The following PLCG2 variants were observed in gnomAD, a reference collection of about 807,000 sequenced individuals.
The protein encoded by PLCG2 is phospholipase C gamma 2, also known as 1-phosphatidylinositol 4,5-bisphosphate phosphodiesterase gamma-2.
PLCG2 carries 69 observed loss-of-function variants against 175.6 expected under a neutral mutation model. The ratio of observed to expected loss-of-function variants is 0.39; its 90% CI spans 0.32 to 0.48. The LOEUF is 0.48. Among genes scored for constraint, PLCG2 ranks in the 20% least tolerant of loss-of-function variants. The probability of loss-of-function intolerance (pLI) is 0.91; values close to 1 mark genes in which losing one functional copy is unlikely to be tolerated. For synonymous variants in PLCG2, 827 were observed against 624.0 expected (o/e 1.33, Z -4.85); for missense variants, 1,798 against 1,650.9 (o/e 1.09, Z -1.54).
intron 1 of PLCG2, chr16:81,783,255 G>C (rs947158463): frequency 3.1e-6 from 1 of 327,504 alleles, no homozygotes; most frequent in African/African-American, 2.2e-5. Flanking sequence ...GAAGAGCTCT[G>C]TGGTTGGCAG....
In PLCG2 at chr16:81,748,314, T is replaced by C. The variant is rs112394945; in HGVS notation, c.-144-7556T>C. On this transcript the variant is annotated intron_variant, in intron 1 of 5. Coordinates refer to the PLCG2 transcript ENST00000565054. ...CTGAGGCATGAGAATTGCTTGAACCTGGAAGGTGGAAGTTGCAGTAAGTCG... is the reference window on the plus strand; with the variant it reads ...CTGAGGCATGAGAATTGCTTGAACCCGGAAGGTGGAAGTTGCAGTAAGTCG... 4.2e-3 allele frequency among the ~76,000 whole-genome samples: 641 copies of C among 152,068 alleles called. 5 individuals are homozygous for C. Among genetic ancestry groups the C allele is most frequent in the African/African-American group, 0.013 (535 of 41,474 alleles).
intron 23 of PLCG2, 116 bp from the exon 24 acceptor site, chr16:81,928,442 T>C (rs1297606421): frequency 5.7e-6 from 4 of 707,496 alleles, no homozygotes; most frequent in Non-Finnish European, 7.9e-6. Flanking sequence ...GTAATGAAAA[T>C]GCATTTTAAA....
intron 15 of PLCG2, chr16:81,906,384 A>G (rs764505373): frequency 1.3e-5 from 2 of 152,204 alleles, no homozygotes; most frequent in Non-Finnish European, 2.9e-5. Flanking sequence ...GTCCGTTCTT[A>G]TATCCTAGAT....
intron 2 of PLCG2, among the ~76,000 whole-genome samples, chr16:81,765,700 C>T (rs1910135268): frequency 2.6e-5 from 2 of 77,230 alleles, no homozygotes; most frequent in African/African-American, 6.8e-5. Context: ...TTAGCCACCA[C>T]ATCAGCGAGT....
At chr16:81,876,874 C>T (rs1029124707) in intron 7 of PLCG2, among the ~76,000 whole-genome samples, 4 of 152,202 alleles carry the variant, frequency 2.6e-5, no homozygotes, top group African/African-American at 9.7e-5. Flanking sequence ...CTAGAATATT[C>T]TGTGATTGCT....
At chr16:81,795,528 G>A (rs568412766) in intron 2 of PLCG2, among the ~76,000 whole-genome samples, 2 of 152,350 alleles carry the variant, frequency 1.3e-5, no homozygotes, top group Admixed American at 6.5e-5. Context: ...GGACTCTGCT[G>A]TCTGATCACA....
In PLCG2 at chr16:81,895,792, C is replaced by A. The variant is rs371214101; in HGVS notation, c.1073-15C>A. On this transcript the variant is annotated splice_polypyrimidine_tract_variant and intron_variant, in intron 12 of 32. Coordinates refer to ENST00000564138, the MANE Select transcript of PLCG2 (RefSeq NM_002661.5). ...AACACACGTGGTATTGAGGCTGCCGCGTTTCTCCCTGTAGTGGACTGCTGG... is the reference window on the plus strand; with the variant it reads ...AACACACGTGGTATTGAGGCTGCCGAGTTTCTCCCTGTAGTGGACTGCTGG... The A allele has an allele frequency of 6.2e-7, 1 of 1,613,958 alleles. No homozygotes were observed.
At chr16:81,776,644 T>TCC (rs1910414621), upstream of PLCG2, among the ~76,000 whole-genome samples, 1 of 152,234 alleles carries the variant, frequency 6.6e-6, no homozygotes, top group Non-Finnish European at 1.5e-5. Flanking sequence ...AACCTCTGCC[T>TCC]TCTGGGTTCA....
intron 2 of PLCG2, among the ~76,000 whole-genome samples, chr16:81,793,719 G>T (rs1039046164): frequency 6.6e-6 from 1 of 152,170 alleles, no homozygotes; most frequent in Non-Finnish European, 1.5e-5. Flanking sequence ...TCTAATGAAT[G>T]CTCACTGTGT....
At chr16:81,742,143 C>A in intron 1 of PLCG2, among the ~76,000 whole-genome samples, 1 of 55,332 alleles carries the variant, frequency 1.8e-5, no homozygotes, top group African/African-American at 1.0e-4. Context: ...CAAAAGTTAC[C>A]ATTGTGGGGG....
rs1212583526 is a variant in PLCG2 at position 81,893,769 on chromosome 16, G to C, written c.1047G>C (p.Leu349=). ...CCCCAGAAGCTTACATCCGCTGCCTGCGCATGGGCTGTCGCTGCATTGAAC... is the reference window on the plus strand; with the variant it reads ...CCCCAGAAGCTTACATCCGCTGCCTCCGCATGGGCTGTCGCTGCATTGAAC... ...ESSPEAYIRC[L]RMGCRCIELD... is the part of the protein sequence containing the mutation. The change falls in exon 12 of 33, where the codon CTG becomes CTC. Residue 349 remains leucine, a synonymous_variant. Transcript: ENST00000564138. The C allele has an allele frequency of 9.3e-6, 15 of 1,612,144 alleles. No individual in the cohort carries two copies. Among genetic ancestry groups the C allele is most frequent in the Non-Finnish European group, 1.2e-5 (14 of 1,179,074 alleles).
intron 2 of PLCG2, among the ~76,000 whole-genome samples, chr16:81,819,130 T>C (rs1221897534): frequency 2.0e-5 from 3 of 152,072 alleles, no homozygotes; most frequent in Non-Finnish European, 4.4e-5. Flanking sequence ...CTGGTCGGCC[T>C]GACTGTGGGG....
chr16:81,947,379 T>A (rs886591681), intron 31 of PLCG2, among the ~76,000 whole-genome samples: 1 of 152,186 alleles, frequency 6.6e-6, no homozygotes, highest in African/African-American at 2.4e-5. Flanking sequence ...TCCACATCTG[T>A]CACCTGGTTC....
At chr16:81,753,781 G>A (rs1436313853) in intron 1 of PLCG2, among the ~76,000 whole-genome samples, 1 of 152,232 alleles carries the variant, frequency 6.6e-6, no homozygotes, top group Non-Finnish European at 1.5e-5. Flanking sequence ...AGATGCCACA[G>A]CCATGACTGT....
chr16:81,786,011 G>A lies in PLCG2; in HGVS notation c.22G>A (p.Asp8Asn). The change falls in exon 2 of 33, where the codon GAT (aspartate) becomes AAT (asparagine). Residue 8 changes from aspartate (D) to asparagine (N), a missense_variant. Coordinates refer to ENST00000564138, the MANE Select transcript of PLCG2 (RefSeq NM_002661.5). Reference sequence around the variant, plus strand: ...GACAATGTCCACCACGGTCAATGTAGATTCCCTTGCGGAATATGAGAAGAG... The same window carrying A: ...GACAATGTCCACCACGGTCAATGTAAATTCCCTTGCGGAATATGAGAAGAG... The part of the protein sequence containing the change: MSTTVNV[D>N]SLAEYEKSQI... The A allele has an allele frequency of 6.2e-7, 1 of 1,614,180 alleles. No homozygotes were observed. The highest frequency in any genetic ancestry group is 8.5e-7 in the Non-Finnish European group (1 of 1,180,010).
intron 2 of PLCG2, among the ~76,000 whole-genome samples, chr16:81,805,578 C>T (rs570504308): frequency 1.3e-5 from 2 of 149,032 alleles, no homozygotes; most frequent in South Asian, 4.3e-4. Flanking sequence ...AAGAAAACAA[C>T]CCAATTAAAA....
chr16:81,916,716 C>T (rs1039736915), intron 19 of PLCG2, among the ~76,000 whole-genome samples: 2 of 152,104 alleles, frequency 1.3e-5, no homozygotes, highest in South Asian at 4.1e-4. Flanking sequence ...TGGCTCACTG[C>T]AACCTGCACC....
chr16:81,765,220 A>C (rs544456153), intron 2 of PLCG2, among the ~76,000 whole-genome samples: 2 of 152,392 alleles, frequency 1.3e-5, no homozygotes, highest in African/African-American at 4.8e-5. Context: ...CCATGTGACA[A>C]CTGAGGCAGA....
intron 2 of PLCG2, among the ~76,000 whole-genome samples, chr16:81,769,421 T>C (rs964440298): frequency 2.0e-5 from 3 of 152,084 alleles, no homozygotes; most frequent in Non-Finnish European, 4.4e-5. Flanking sequence ...TACGTTCTGA[T>C]TCAGTAAGGC....
Sources: gnomAD v4.1 joint callset for allele counts (sites outside exome capture counted in the v4.1 genomes callset) on GRCh38, gnomAD v4.1.1 for gene constraint, MANE v1.5 for transcripts, NCBI Gene and HGNC (gene_info 2026-07-23, HGNC 2026-07-21) for gene names.